The following TLK2 variants were observed in gnomAD, a reference collection of about 807,000 sequenced individuals.
TLK2 encodes tousled like kinase 2, also known as serine/threonine-protein kinase tousled-like 2.
TLK2 carries 6 observed loss-of-function variants against 117.3 expected under a neutral mutation model. That is an observed-to-expected ratio of 0.05 (90% confidence interval 0.03 to 0.10). The LOEUF is 0.10. TLK2 is among the 10% of genes least tolerant of loss of function. TLK2 has a pLI of 1.00. For missense variants in TLK2, 299 were observed against 901.2 expected (o/e 0.33, Z 8.56); for synonymous variants, 257 against 316.7 (o/e 0.81, Z 2.00).
chr17:62,566,852 A>G (rs906899394), intron 11 of TLK2, among the ~76,000 whole-genome samples: 3 of 152,226 alleles, frequency 2.0e-5, no homozygotes, highest in African/African-American at 7.2e-5. Context: ...AGCCCTGTCA[A>G]TGGCTACTAT....
chr17:62,524,712 G>A (rs1364060090), intron 6 of TLK2, among the ~76,000 whole-genome samples: 1 of 152,132 alleles, frequency 6.6e-6, no homozygotes, highest in African/African-American at 2.4e-5. Context: ...AGCTTATTCA[G>A]TAATGTACTA....
intron 12 of TLK2, chr17:62,574,523 GTT>G (rs11314763): frequency 4.4e-3 from 2,303 of 523,280 alleles, no homozygotes; most frequent in East Asian, 8.0e-3. Context: ...TGTTGTTGTT[GTT>G]TTTTTTTTTT....
intron 2 of TLK2, among the ~76,000 whole-genome samples, chr17:62,485,165 G>A (rs1204214639): frequency 6.6e-6 from 1 of 152,226 alleles, no homozygotes; most frequent in African/African-American, 2.4e-5. Context: ...GTGCCATCTA[G>A]TGGGACTGGT....
At chr17:62,541,236 C>A (rs770980641) in intron 7 of TLK2, among the ~76,000 whole-genome samples, 1 of 152,168 alleles carries the variant, frequency 6.6e-6, no homozygotes, top group African/African-American at 2.4e-5. Flanking sequence ...CACCAGCTGA[C>A]GTACTATGAT....
At chr17:62,576,577 A>T (rs975630892) in intron 12 of TLK2, 132 bp from the exon 13 acceptor site, 1 of 698,954 alleles carries the variant, frequency 1.4e-6, no homozygotes, top group East Asian at 2.7e-5. Context: ...GGACTACAAG[A>T]TAACCCATCT....
chr17:62,471,231 G>A (rs1212759603), intron 1 of TLK2, among the ~76,000 whole-genome samples: 4 of 152,164 alleles, frequency 2.6e-5, no homozygotes, highest in East Asian at 1.9e-4. Context: ...AGAAGAGCAC[G>A]GCATGGACTT....
intron 11 of TLK2, among the ~76,000 whole-genome samples, chr17:62,569,494 G>T (rs1249130833): frequency 7.0e-6 from 1 of 143,064 alleles, no homozygotes; most frequent in Non-Finnish European, 1.5e-5. Flanking sequence ...GGAGTGCAGT[G>T]GCGTGATCTC....
intron 19 of TLK2, 84 bp from the exon 20 acceptor site, chr17:62,606,046 A>C (rs1322285323): frequency 2.2e-5 from 12 of 551,438 alleles, no homozygotes; most frequent in Non-Finnish European, 3.2e-5. Context: ...TATTTTCAAC[A>C]AGATATTTTA....
chr17:62,555,716 A>T (rs1423472793), intron 9 of TLK2, among the ~76,000 whole-genome samples: 1 of 151,918 alleles, frequency 6.6e-6, no homozygotes, highest in Non-Finnish European at 1.5e-5. Flanking sequence ...TGACCTTGTG[A>T]TCCACCCACC....
chr17:62,587,062 T>C (rs1467852089), intron 16 of TLK2, among the ~76,000 whole-genome samples: 1 of 151,790 alleles, frequency 6.6e-6, no homozygotes, highest in African/African-American at 2.4e-5. Flanking sequence ...TGCTTCTCTA[T>C]AGAATAGTAC....
chr17:62,472,959 G>C (rs2070969333), intron 1 of TLK2, among the ~76,000 whole-genome samples: 1 of 152,102 alleles, frequency 6.6e-6, no homozygotes, highest in Admixed American at 6.6e-5. Context: ...CTGGATTTAA[G>C]ACCCCAAATT....
Position 62,524,300 on chromosome 17 carries a change from C to T in TLK2, c.332C>T (p.Ser111Leu). The T allele has an allele frequency of 1.9e-6, 3 of 1,613,782 alleles. No homozygotes were observed. The highest frequency in any genetic ancestry group is 2.5e-6 in the Non-Finnish European group (3 of 1,179,830). Residue 111 changes from serine (S) to leucine (L), a missense_variant, in exon 6 of 22, where the codon TCA (serine) becomes TTA (leucine). This residue lies in a region of TLK2 where 105 missense variants were observed against 218.4 expected (regional missense o/e 0.48). Coordinates refer to ENST00000346027, the MANE Select transcript of TLK2 (RefSeq NM_006852.6). ...GRSVPPVARS[S>L]PQHSLSNPLP... ...AGTGTTCCACCAGTTGCACGATCCT[C>T]ACCGCAACATTCCTTATCCAATCCC...
At chr17:62,586,044 T>C (rs1567973752) in intron 15 of TLK2, 91 bp from the exon 16 acceptor site, 2 of 952,640 alleles carry the variant, frequency 2.1e-6, no homozygotes, top group Non-Finnish European at 3.2e-6. Context: ...TTTTGGACTT[T>C]GATTATGTTA....
intron 16 of TLK2, 30 bp downstream of exon 16, chr17:62,586,256 A>T: frequency 6.8e-7 from 1 of 1,461,858 alleles, no homozygotes. Flanking sequence ...CTGACTTTTT[A>T]AAATTAAATA....
At chr17:62,537,852 T>C (rs2077217329) in intron 7 of TLK2, among the ~76,000 whole-genome samples, 1 of 152,084 alleles carries the variant, frequency 6.6e-6, no homozygotes, top group Non-Finnish European at 1.5e-5. Context: ...AAAGGAAATA[T>C]ACATACTTTA....
chr17:62,524,641 T>C (rs2076255818), intron 6 of TLK2, among the ~76,000 whole-genome samples: 1 of 152,232 alleles, frequency 6.6e-6, no homozygotes, highest in Non-Finnish European at 1.5e-5. Context: ...TGTATGTTCC[T>C]TTAGGGTTTA....
chr17:62,516,898 T>G, intron 2 of TLK2: 1 of 644,580 alleles, frequency 1.6e-6, no homozygotes, highest in Non-Finnish European at 2.7e-6. Context: ...TGCATGTACA[T>G]ATCCAGTTTC....
chr17:62,596,354 G>A (rs1484166248), intron 16 of TLK2, among the ~76,000 whole-genome samples: 9 of 152,226 alleles, frequency 5.9e-5, no homozygotes, highest in Admixed American at 5.9e-4. Flanking sequence ...GATTACAGGC[G>A]TGAGCCACTA....
chr17:62,542,764 G>T (rs767772375), intron 7 of TLK2, among the ~76,000 whole-genome samples: 8 of 152,112 alleles, frequency 5.3e-5, no homozygotes, highest in African/African-American at 1.9e-4. Flanking sequence ...TGGCAAGTCT[G>T]TTGTTTCCTT....
Sources: allele counts gnomAD v4.1 joint callset (sites outside exome capture counted in the v4.1 genomes callset), GRCh38; gene constraint gnomAD v4.1.1; regional missense constraint gnomAD v4.1.1; transcripts MANE v1.5; gene names NCBI Gene and HGNC (gene_info 2026-07-23, HGNC 2026-07-21).